Variants in NMU observed in about 807,000 individuals in gnomAD.
NMU encodes neuromedin-U.
In NMU, 29 loss-of-function variants were observed where a neutral mutation model predicts 35.4. That is an observed-to-expected ratio of 0.82 (90% CI 0.61 to 1.12). NMU has a LOEUF of 1.12. Ranked by LOEUF, NMU falls within the 50% of genes most tolerant of loss-of-function variation. The probability of loss-of-function intolerance (pLI) is 0.00; values close to 1 mark genes in which losing one functional copy is unlikely to be tolerated. For missense variants in NMU, 199 were observed against 206.2 expected (o/e 0.97, Z 0.21); for synonymous variants, 78 against 81.3 (o/e 0.96, Z 0.22).
chr4:55,606,870 G>C (rs991787997), intron 6 of NMU, among the ~76,000 whole-genome samples: 4 of 151,826 alleles, frequency 2.6e-5, no homozygotes, highest in Non-Finnish European at 5.9e-5. Context: ...TAGAGACAGG[G>C]TTTCACCATG....
At chr4:55,630,268 A>T (rs1734703205) in intron 2 of NMU, 134 bp downstream of exon 2, 1 of 761,324 alleles carries the variant, frequency 1.3e-6, no homozygotes, top group South Asian at 1.7e-5. Context: ...ATTTAATAAA[A>T]ATAGTAATTC....
chr4:55,633,816 A>C (rs548461798), intron 1 of NMU, among the ~76,000 whole-genome samples: 17 of 152,370 alleles, frequency 1.1e-4, no homozygotes, highest in African/African-American at 4.1e-4. Context: ...AGGCCTGGGC[A>C]GGAAAAGACA....
chr4:55,625,574 T>C (rs922482603), intron 2 of NMU, among the ~76,000 whole-genome samples: 62 of 152,290 alleles, frequency 4.1e-4, no homozygotes, highest in African/African-American at 1.4e-3. Flanking sequence ...GCGGGTGACC[T>C]AGGTACAAAG....
Position 55,636,140 on chromosome 4 carries a change from G to T in NMU, c.53C>A (p.Ala18Glu), listed in dbSNP as rs3828555. The T allele has an allele frequency of 0.048, 72,299 of 1,521,900 alleles. 4,841 individuals are homozygous for T. Among genetic ancestry groups the T allele is most frequent in the East Asian group, 0.34 (13,401 of 39,838 alleles). 94.3% of individuals were successfully genotyped at this position (1,521,900 alleles called of 1,614,324 possible). ...CAGCAGCAGCAGGAGCGGGGACGCC[G>T]CGGCCACCTGTCCGGCGGGCGACCT... ...RPRSPAGQVAAASPLLLLLLL... is the reference protein window; with the variant it reads ...RPRSPAGQVAEASPLLLLLLL... Residue 18 changes from alanine (A) to glutamate (E), a missense_variant, in exon 1 of 10, where the codon GCG (alanine) becomes GAG (glutamate). Transcript: ENST00000264218. The surrounding 1 kb of genome is among the most constrained non-coding windows in gnomAD (Gnocchi z 4.0).
At chr4:55,611,621 T>C (rs1227683797) in intron 3 of NMU, among the ~76,000 whole-genome samples, 1 of 152,208 alleles carries the variant, frequency 6.6e-6, no homozygotes. Context: ...TATCATTTTT[T>C]ATCTTTTACA....
chr4:55,618,721 C>CTCTT (rs140966291), intron 2 of NMU, among the ~76,000 whole-genome samples: 32,906 of 143,802 alleles, frequency 0.23, 4,078 homozygotes, highest in South Asian at 0.27. Flanking sequence ...TCTTTCTTCT[C>CTCTT]TCTTTCTTCT....
chr4:55,596,834 C>G (rs1733203526), intron 9 of NMU, among the ~76,000 whole-genome samples: 1 of 152,072 alleles, frequency 6.6e-6, no homozygotes, highest in Non-Finnish European at 1.5e-5. Context: ...TATCTTGTTC[C>G]TGACATTAAC....
chr4:55,619,173 G>A (rs376554208), intron 2 of NMU, among the ~76,000 whole-genome samples: 5 of 152,026 alleles, frequency 3.3e-5, no homozygotes, highest in Non-Finnish European at 4.4e-5. Context: ...CAAGATGGCC[G>A]AATAGGAACA....
intron 2 of NMU, among the ~76,000 whole-genome samples, chr4:55,628,351 C>G (rs1207028337): frequency 1.3e-5 from 2 of 151,882 alleles, no homozygotes; most frequent in Non-Finnish European, 2.9e-5. Flanking sequence ...CTTTTTTGGT[C>G]TATATCTTGT....
At chr4:55,625,614 C>T (rs913356301) in intron 2 of NMU, among the ~76,000 whole-genome samples, 10 of 152,286 alleles carry the variant, frequency 6.6e-5, no homozygotes, top group Middle Eastern at 3.4e-3. Flanking sequence ...AGCTCACTAT[C>T]ATCATTAGCC....
At chr4:55,605,440 A>G (rs1733641771) in intron 6 of NMU, 91 bp from the exon 7 acceptor site, 2 of 925,970 alleles carry the variant, frequency 2.2e-6, no homozygotes, top group Non-Finnish European at 3.6e-6. Flanking sequence ...GTTTTTACCC[A>G]CTAAACTTGT....
At chr4:55,612,877 A>C (rs767811897) in intron 3 of NMU, among the ~76,000 whole-genome samples, 2 of 152,244 alleles carry the variant, frequency 1.3e-5, no homozygotes, top group Non-Finnish European at 2.9e-5. Context: ...ATGTAATCAC[A>C]TAAATAATAA....
At chr4:55,619,428 C>T (rs1326046958) in intron 2 of NMU, among the ~76,000 whole-genome samples, 1 of 118,378 alleles carries the variant, frequency 8.4e-6, no homozygotes, top group African/African-American at 3.2e-5. Flanking sequence ...AATCGGGTCA[C>T]TCCCACCCGA....
intron 2 of NMU, among the ~76,000 whole-genome samples, chr4:55,625,738 T>C (rs1438551461): frequency 6.6e-6 from 1 of 152,118 alleles, no homozygotes. Flanking sequence ...TATGTTTTTG[T>C]AAAACCCATA....
intron 2 of NMU, among the ~76,000 whole-genome samples, 192 bp from the exon 3 acceptor site, chr4:55,616,577 C>T (rs1283754405): frequency 1.3e-5 from 2 of 152,174 alleles, no homozygotes; most frequent in Admixed American, 1.3e-4. Flanking sequence ...CTCAAGATGT[C>T]CCCCTGACCG....
chr4:55,612,800 A>T (rs926610063), intron 3 of NMU, among the ~76,000 whole-genome samples: 2 of 152,218 alleles, frequency 1.3e-5, no homozygotes, highest in African/African-American at 4.8e-5. Context: ...TTAATATCTT[A>T]TTTTTAAATG....
intron 2 of NMU, among the ~76,000 whole-genome samples, chr4:55,625,812 C>T (rs1734503748): frequency 6.7e-6 from 1 of 150,300 alleles, no homozygotes; most frequent in Admixed American, 6.7e-5. Context: ...CCATTGAGAC[C>T]TATCCATGTT....
At chr4:55,604,679 A>ATTTTTTTTTTTTTTTTTTTTTTTTTTTT (rs767568542) in intron 7 of NMU, among the ~76,000 whole-genome samples, 1 of 47,614 alleles carries the variant, frequency 2.1e-5, no homozygotes, top group African/African-American at 1.2e-4. Context: ...TGCCTGGCTA[A>ATTTTTTTTTTTTTTTTTTTTTTTTTTTT]TTTTTTTTTT....
chr4:55,618,249 C>T lies in NMU; in HGVS notation c.172-1864G>A, dbSNP rs575409464. Among the ~76,000 whole-genome samples the T allele has an allele frequency of 1.2e-3, 187 of 152,192 alleles. 1 individual carries two copies. Among genetic ancestry groups the T allele is most frequent in the Middle Eastern group, 3.4e-3 (1 of 294 alleles). Reference sequence around the variant, plus strand: ...TAAGTTCTGGGAAACATGTGCAGAACGTGCAGGTTTGTTACATAGGTATAC... The same window carrying T: ...TAAGTTCTGGGAAACATGTGCAGAATGTGCAGGTTTGTTACATAGGTATAC... On this transcript the variant is annotated intron_variant, in intron 2 of 9. Coordinates refer to ENST00000264218, the MANE Select transcript of NMU (RefSeq NM_006681.4).
Sources: gnomAD v4.1 joint callset for allele counts (sites outside exome capture counted in the v4.1 genomes callset) on GRCh38, gnomAD v4.1.1 for gene constraint, Gnocchi (gnomAD v3.1) non-coding constraint, MANE v1.5 for transcripts, NCBI Gene and HGNC (gene_info 2026-07-23, HGNC 2026-07-21) for gene names.